Variants in ATP8A1 observed in about 807,000 individuals in gnomAD.
ATP8A1 encodes the protein ATPase phospholipid transporting 8A1.
A neutral mutation model predicts 177.7 loss-of-function variants in ATP8A1; 90 were observed. That is an observed-to-expected ratio of 0.51 (90% CI 0.43 to 0.60). The LOEUF is 0.60. Ranked by LOEUF, ATP8A1 falls within the 20% of genes least tolerant of loss-of-function variation. The pLI is 0.00. For missense variants in ATP8A1, 1,072 were observed against 1,392.8 expected (o/e 0.77, Z 3.67); for synonymous variants, 493 against 485.9 (o/e 1.01, Z -0.19).
intron 30 of ATP8A1, among the ~76,000 whole-genome samples, chr4:42,450,306 G>T (rs934708490): frequency 3.3e-5 from 5 of 152,196 alleles, no homozygotes; most frequent in African/African-American, 9.6e-5. Context: ...AGTTGCCAGG[G>T]TCTGGTAGGG....
At chr4:42,635,779 A>ACG (rs1739240092) in intron 1 of ATP8A1, among the ~76,000 whole-genome samples, 1 of 67,600 alleles carries the variant, frequency 1.5e-5, no homozygotes, top group Non-Finnish European at 2.7e-5. Flanking sequence ...ACACACACAC[A>ACG]CACATATATA....
chr4:42,436,588 G>A lies in ATP8A1; in HGVS notation c.3123+6977C>T, dbSNP rs188670472. The stretch of plus-strand genomic sequence containing the variant: ...TGAAGGTCTACCTGTTTCATTTACT[G>A]TTGGGGGCATGAGGACTGTGACCAA... On this transcript the variant is annotated intron_variant, in intron 33 of 36. Coordinates refer to ENST00000381668, the MANE Select transcript of ATP8A1 (RefSeq NM_006095.2). 2.5e-3 allele frequency among the ~76,000 whole-genome samples: 375 copies of A among 152,328 alleles called. 1 individual carries two copies. Among genetic ancestry groups the A allele is most frequent in the Non-Finnish European group, 4.2e-3 (284 of 68,032 alleles).
At chr4:42,455,489 C>A (rs1718382258) in intron 28 of ATP8A1, 36 bp downstream of exon 28, 5 of 1,613,294 alleles carry the variant, frequency 3.1e-6, no homozygotes, top group Non-Finnish European at 4.2e-6. Flanking sequence ...CCCAAGTATT[C>A]AATGAAACAG....
chr4:42,493,608 A>G (rs898771356), intron 24 of ATP8A1, among the ~76,000 whole-genome samples: 2 of 151,970 alleles, frequency 1.3e-5, no homozygotes, highest in African/African-American at 4.8e-5. Flanking sequence ...ATTTAATGTA[A>G]TTTTTTTGGT....
intron 8 of ATP8A1, among the ~76,000 whole-genome samples, 187 bp downstream of exon 8, chr4:42,588,073 A>G (rs1407230991): frequency 1.3e-5 from 2 of 152,254 alleles, no homozygotes; most frequent in Non-Finnish European, 2.9e-5. Context: ...ATATTTAACC[A>G]GACAAATACA....
At chr4:42,468,420 ATATATTT>A (rs1264345410) in intron 25 of ATP8A1, among the ~76,000 whole-genome samples, 5 of 123,550 alleles carry the variant, frequency 4.0e-5, no homozygotes, top group Admixed American at 1.8e-4. Context: ...TACATATTTT[ATATATTT>A]TATACACACA....
chr4:42,522,763 C>T (rs574401630), intron 21 of ATP8A1, among the ~76,000 whole-genome samples: 1 of 152,290 alleles, frequency 6.6e-6, no homozygotes, highest in Non-Finnish European at 1.5e-5. Flanking sequence ...CACTGTCTGC[C>T]TTGCAAGCAG....
chr4:42,466,345 T>C (rs1038931612), intron 25 of ATP8A1, among the ~76,000 whole-genome samples: 2 of 152,242 alleles, frequency 1.3e-5, no homozygotes, highest in Non-Finnish European at 1.5e-5. Flanking sequence ...TATTTAAAAA[T>C]GAAGATCACC....
chr4:42,643,898 C>T (rs1293525082), intron 1 of ATP8A1, among the ~76,000 whole-genome samples: 1 of 152,160 alleles, frequency 6.6e-6, no homozygotes, highest in Non-Finnish European at 1.5e-5. Context: ...TGCCTTGTTT[C>T]ACTTTCTCGC....
intron 27 of ATP8A1, among the ~76,000 whole-genome samples, chr4:42,457,614 C>A (rs1718628406): frequency 1.3e-5 from 2 of 152,168 alleles, no homozygotes; most frequent in Non-Finnish European, 2.9e-5. Flanking sequence ...CATTTGCAAT[C>A]ATCAATACCG....
rs532564903 is a variant in ATP8A1 at position 42,531,283 on chromosome 4, G to A, written c.1723-6436C>T. ...CAGACCCTTCAGGAATGAAGGTTTG[G>A]GTCACTCCACCAGGAAAAAAACCAC... On this transcript the variant is annotated intron_variant, in intron 20 of 36. Coordinates refer to ENST00000381668, the MANE Select transcript of ATP8A1 (RefSeq NM_006095.2). Among the ~76,000 whole-genome samples the A allele has an allele frequency of 1.1e-4, 16 of 152,302 alleles. No homozygotes were observed. In the East Asian group the frequency reaches 2.9e-3, roughly 28 times the overall value.
chr4:42,413,637 C>T (rs1712880826), intron 36 of ATP8A1, among the ~76,000 whole-genome samples: 1 of 152,168 alleles, frequency 6.6e-6, no homozygotes, highest in Admixed American at 6.5e-5. Context: ...GCCCTCACAT[C>T]AGTTCATTCT....
At chr4:42,625,895 G>C in intron 2 of ATP8A1, 182 bp from the exon 3 acceptor site, 1 of 413,292 alleles carries the variant, frequency 2.4e-6, no homozygotes, top group East Asian at 3.9e-5. Context: ...TAAATAAATG[G>C]TAAAGCATGA....
chr4:42,641,003 C>A (rs1307164925), intron 1 of ATP8A1, among the ~76,000 whole-genome samples: 1 of 122,596 alleles, frequency 8.2e-6, no homozygotes, highest in Non-Finnish European at 1.7e-5. Context: ...AGACTTCCCC[C>A]TCACCAGAAA....
intron 25 of ATP8A1, among the ~76,000 whole-genome samples, chr4:42,482,314 A>AAAC (rs1721759567): frequency 1.6e-5 from 2 of 126,572 alleles, no homozygotes; most frequent in Non-Finnish European, 3.5e-5. Context: ...CAAAAACAAA[A>AAAC]AAACAAACAA....
intron 3 of ATP8A1, chr4:42,625,377 C>T (rs1282625795): frequency 6.2e-6 from 2 of 324,252 alleles, no homozygotes; most frequent in Non-Finnish European, 1.1e-5. Flanking sequence ...CCCTTTACCA[C>T]CCAAAATGAA....
intron 22 of ATP8A1, among the ~76,000 whole-genome samples, chr4:42,514,138 T>C (rs1725282326): frequency 1.3e-5 from 2 of 152,210 alleles, no homozygotes; most frequent in African/African-American, 4.8e-5. Flanking sequence ...ATTCAACTGG[T>C]TAATTTTTCT....
At chr4:42,473,465 T>C (rs1215889269) in intron 25 of ATP8A1, among the ~76,000 whole-genome samples, 1 of 152,106 alleles carries the variant, frequency 6.6e-6, no homozygotes, top group African/African-American at 2.4e-5. Context: ...GCACTTCTAT[T>C]CAAGAAGGCC....
intron 21 of ATP8A1, among the ~76,000 whole-genome samples, chr4:42,523,990 C>A (rs1726418920): frequency 6.6e-6 from 1 of 152,066 alleles, no homozygotes; most frequent in Non-Finnish European, 1.5e-5. Flanking sequence ...GGCAACAGTT[C>A]CAGCTGAAAC....
Sources: allele counts gnomAD v4.1 joint callset (sites outside exome capture counted in the v4.1 genomes callset), GRCh38; gene constraint gnomAD v4.1.1; transcripts MANE v1.5; gene names NCBI Gene and HGNC (gene_info 2026-07-23, HGNC 2026-07-21).